DLC1: variants seen among roughly 807,000 people sequenced by gnomAD.
DLC1 encodes the protein DLC1 Rho GTPase activating protein.
In DLC1, 54 loss-of-function variants were observed where a neutral mutation model predicts 140.3. That is an observed-to-expected ratio of 0.38 (90% CI 0.31 to 0.48). The LOEUF (loss-of-function observed/expected upper bound fraction) is 0.48. Among genes scored for constraint, DLC1 ranks in the 20% least tolerant of loss-of-function variants. The pLI, the probability that DLC1 is intolerant of heterozygous loss-of-function variation, is 0.96. For synonymous variants in DLC1, 986 were observed against 728.1 expected (o/e 1.35, Z -5.70); for missense variants, 2,536 against 1,907.0 (o/e 1.33, Z -6.14).
chr8:13,591,485 A>T (rs1805515062), intron 1 of DLC1, among the ~76,000 whole-genome samples: 1 of 152,110 alleles, frequency 6.6e-6, no homozygotes, highest in African/African-American at 2.4e-5. Context: ...TTCCCCTTCC[A>T]ACATGATTGT....
intron 5 of DLC1, among the ~76,000 whole-genome samples, chr8:13,204,991 A>C (rs1827582038): frequency 6.6e-6 from 1 of 152,086 alleles, no homozygotes; most frequent in South Asian, 2.1e-4. Flanking sequence ...CACCTTCTTG[A>C]TCATACTGCC....
In DLC1 at chr8:13,276,601, A is replaced by T. The variant is rs147933395; in HGVS notation, c.1348+28668T>A. The T allele has an allele frequency of 2.8e-4, 355 of 1,246,006 alleles. 2 individuals carry two copies. The East Asian group carries it at 0.012, about 42-fold the overall frequency. The allele number at this position is 1,246,006 out of a possible 1,614,324, so 77.2% of individuals were successfully genotyped here. On this transcript the variant is annotated intron_variant, in intron 5 of 17. Coordinates refer to ENST00000276297, the MANE Select transcript of DLC1 (RefSeq NM_182643.3). ...GCGCGCGGCGGCCACATCTGGAAAG[A>T]CTTACCCTGCGCCGGCGACACCCTC...
chr8:13,396,730 T>C (rs1194133033), intron 3 of DLC1, among the ~76,000 whole-genome samples: 1 of 152,170 alleles, frequency 6.6e-6, no homozygotes, highest in African/African-American at 2.4e-5. Context: ...ATAAGTAATT[T>C]TAATAGGACC....
At chr8:13,121,441 G>A (rs59811092) in intron 5 of DLC1, among the ~76,000 whole-genome samples, 2,866 of 152,240 alleles carry the variant, frequency 0.019, 92 homozygotes, top group African/African-American at 0.066. Flanking sequence ...GGTTCCAGAG[G>A]GCGTTCACTG....
At chr8:13,257,172 T>C (rs1379575776) in intron 5 of DLC1, among the ~76,000 whole-genome samples, 1 of 151,980 alleles carries the variant, frequency 6.6e-6, no homozygotes, top group African/African-American at 2.4e-5. Flanking sequence ...ATCATGTTCT[T>C]TACTAGAATT....
intron 2 of DLC1, among the ~76,000 whole-genome samples, chr8:13,471,086 G>T (rs117087752): frequency 6.6e-6 from 1 of 151,766 alleles, no homozygotes; most frequent in Non-Finnish European, 1.5e-5. Context: ...GTCTACAATG[G>T]TCAAATTCAT....
intron 13 of DLC1, 115 bp downstream of exon 13, chr8:13,092,497 G>A (rs1164062349): frequency 2.7e-6 from 3 of 1,123,084 alleles, no homozygotes; most frequent in East Asian, 2.6e-5. Flanking sequence ...CTAATATAGC[G>A]GTCTAACCTT....
intron 5 of DLC1, among the ~76,000 whole-genome samples, chr8:13,165,900 G>A (rs905285977): frequency 1.3e-5 from 2 of 152,144 alleles, no homozygotes; most frequent in African/African-American, 4.8e-5. Flanking sequence ...GATGAGTCTA[G>A]AAGGGCAGAT....
At chr8:13,503,030 G>T (rs2117216027) in intron 1 of DLC1, among the ~76,000 whole-genome samples, 1 of 152,302 alleles carries the variant, frequency 6.6e-6, no homozygotes, top group South Asian at 2.1e-4. Context: ...GCATGATTTT[G>T]AATTCATTGT....
chr8:13,241,753 C>T (rs756903003), intron 5 of DLC1, among the ~76,000 whole-genome samples: 1 of 152,152 alleles, frequency 6.6e-6, no homozygotes, highest in Non-Finnish European at 1.5e-5. Flanking sequence ...GGAGATCCTG[C>T]TGTTCTGTTA....
chr8:13,303,704 A>C (rs755081253), intron 5 of DLC1, among the ~76,000 whole-genome samples: 4 of 152,166 alleles, frequency 2.6e-5, no homozygotes, highest in Non-Finnish European at 5.9e-5. Flanking sequence ...CAGGAGGCTG[A>C]GGCAGGAGAA....
At chr8:13,461,184 T>C (rs530739431) in intron 2 of DLC1, among the ~76,000 whole-genome samples, 1 of 152,238 alleles carries the variant, frequency 6.6e-6, no homozygotes, top group Non-Finnish European at 1.5e-5. Flanking sequence ...CACCCCAGCC[T>C]GGCGGACAGA....
intron 4 of DLC1, among the ~76,000 whole-genome samples, chr8:13,370,812 A>G (rs1835692005): frequency 6.6e-6 from 1 of 152,220 alleles, no homozygotes; most frequent in South Asian, 2.1e-4. Context: ...CAAGGGAGAC[A>G]GCCTCTCACG....
Position 13,558,528 on chromosome 8 carries a change from C to T in DLC1, c.-126+46009G>A, listed in dbSNP as rs114094190. The T allele has an allele frequency of 4.1e-3, 616 of 152,070 alleles. 7 individuals are homozygous for T. Among genetic ancestry groups the T allele is most frequent in the African/African-American group, 0.014 (586 of 41,454 alleles). The allele number at this position is 152,070 out of a possible 1,614,324, so 9.4% of individuals were successfully genotyped here. ...ATTTGATATTTGCATTTTGGTTAAC[C>T]GAAGCCTATATTTCATAGATTGTTA... On this transcript the variant is annotated intron_variant, in intron 1 of 1. Transcript: ENST00000631382.
At chr8:13,466,064 G>T (rs1030983451) in intron 2 of DLC1, among the ~76,000 whole-genome samples, 12 of 152,104 alleles carry the variant, frequency 7.9e-5, no homozygotes, top group African/African-American at 2.9e-4. Context: ...TGTCCTCACT[G>T]GGCATAGACG....
chr8:13,332,890 T>C (rs775536193), intron 4 of DLC1, among the ~76,000 whole-genome samples: 5 of 152,188 alleles, frequency 3.3e-5, no homozygotes, highest in Non-Finnish European at 7.3e-5. Context: ...GAGTCACTGC[T>C]GAAATAGATT....
chr8:13,378,572 T>C (rs573825364), intron 4 of DLC1, among the ~76,000 whole-genome samples: 9 of 152,312 alleles, frequency 5.9e-5, no homozygotes, highest in South Asian at 4.1e-4. Flanking sequence ...TACATATTTA[T>C]TGAATTATTT....
chr8:13,439,250 G>A (rs1447304733), intron 2 of DLC1, among the ~76,000 whole-genome samples: 1 of 152,090 alleles, frequency 6.6e-6, no homozygotes, highest in African/African-American at 2.4e-5. Flanking sequence ...CTTGAACCCG[G>A]GAGGCAGAGG....
intron 5 of DLC1, among the ~76,000 whole-genome samples, chr8:13,185,187 G>T (rs1471397286): frequency 2.2e-5 from 3 of 134,824 alleles, no homozygotes; most frequent in Non-Finnish European, 4.6e-5. Context: ...TTTATTTTGA[G>T]CCTATATGTG....
Sources: allele counts gnomAD v4.1 joint callset (sites outside exome capture counted in the v4.1 genomes callset), GRCh38; gene constraint gnomAD v4.1.1; transcripts MANE v1.5; gene names NCBI Gene and HGNC (gene_info 2026-07-23, HGNC 2026-07-21).